Variants in GCN1 observed in about 807,000 individuals in gnomAD.
The protein encoded by GCN1 is GCN1 activator of EIF2AK4, also known as stalled ribosome sensor GCN1.
In GCN1, 90 loss-of-function variants were observed where a neutral mutation model predicts 288.4. That is an observed-to-expected ratio of 0.31 (90% confidence interval 0.26 to 0.37). The LOEUF is 0.37. GCN1 is among the 10% of genes least tolerant of loss of function. GCN1 has a pLI of 1.00. For missense variants in GCN1, 2,586 were observed against 3,419.9 expected (o/e 0.76, Z 6.08); for synonymous variants, 1,386 against 1,420.2 (o/e 0.98, Z 0.54).
At chr12:120,167,596 T>C (rs1878175325) in intron 16 of GCN1, among the ~76,000 whole-genome samples, 1 of 152,194 alleles carries the variant, frequency 6.6e-6, no homozygotes, top group Non-Finnish European at 1.5e-5. Context: ...AGGGGTATAA[T>C]TTTCAATGTA....
At chr12:120,139,939 A>G (rs769268865) in intron 45 of GCN1, among the ~76,000 whole-genome samples, 12 of 152,050 alleles carry the variant, frequency 7.9e-5, no homozygotes, top group Non-Finnish European at 1.5e-4. Flanking sequence ...AGCAAAGCCC[A>G]CTCTGCATTC....
chr12:120,185,164 G>A (rs1441514078), intron 2 of GCN1, among the ~76,000 whole-genome samples: 1 of 152,178 alleles, frequency 6.6e-6, no homozygotes, highest in Non-Finnish European at 1.5e-5. Flanking sequence ...CAGGAGTGCT[G>A]GAATGGTTCT....
In GCN1 at chr12:120,155,591, C is replaced by CCT. The variant is rs749760549; in HGVS notation, c.3439_3440dup (p.Leu1148GlyfsTer5). On this transcript the variant is annotated frameshift_variant and splice_region_variant. Transcript: ENST00000300648. LOFTEE classifies it high-confidence loss of function. The surrounding 1 kb of genome is among the most constrained non-coding windows in gnomAD (Gnocchi z 4.9). Reference sequence around the variant, plus strand: ...AGAAAGCGACATGCTGGCTCTCTCACCTCTCAGCCAGCTTCCGGATCTCCT... The same window carrying CCT: ...AGAAAGCGACATGCTGGCTCTCTCACCTCTCTCAGCCAGCTTCCGGATCTCCT... 2 of 1,614,096 alleles carry CCT rather than the reference C, an allele frequency of 1.2e-6. No homozygotes were observed. The highest frequency in any genetic ancestry group is 1.3e-5 in the African/African-American group (1 of 75,050).
At position 120,131,990 on chromosome 12, in the gene GCN1, T is replaced by A. The variant is rs765597612; in HGVS notation, c.7350A>T (p.Leu2450=). 6.2e-7 allele frequency: 1 copy of A among 1,602,380 alleles called. No individual in the cohort carries two copies. Among genetic ancestry groups the A allele is most frequent in the Non-Finnish European group, 8.5e-7 (1 of 1,173,618 alleles). ...CAGTCAAAAAGGCACACAGTTCCCC[T>A]AGGCACCCGGCTGAGGAGATGCGAG... ...DNTRISSAGC[L]GELCAFLTEE... Residue 2450 remains leucine, a synonymous_variant, in exon 54 of 58, where the codon CTA becomes CTT. Coordinates refer to ENST00000300648, the MANE Select transcript of GCN1 (RefSeq NM_006836.2).
At chr12:120,138,996 C>G (rs1877102749) in intron 45 of GCN1, 140 bp from the exon 46 acceptor site, 1 of 669,912 alleles carries the variant, frequency 1.5e-6, no homozygotes, top group East Asian at 2.8e-5. Context: ...TAACTTAACT[C>G]TTTACTGTGA....
rs141557121 is a variant in GCN1, at chr12:120,140,799, C to T, written c.5994+60G>A. 2.8e-4 allele frequency: 425 copies of T among 1,519,188 alleles called. 2 individuals carry two copies. The African/African-American group carries it at 4.8e-3, about 17-fold the overall frequency. The allele number at this position is 1,519,188 out of a possible 1,614,324, so 94.1% of individuals were successfully genotyped here. The stretch of plus-strand genomic sequence containing the variant: ...TGAACCTCCTTCAGTAGCCCTCCCC[C>T]GCCCTCTGAGTCAGGTCGTCTGCAG... On this transcript the variant is annotated intron_variant, in intron 45 of 57. Transcript: ENST00000300648.
intron 44 of GCN1, 95 bp from the exon 45 acceptor site, chr12:120,141,118 C>T (rs552528995): frequency 1.5e-5 from 15 of 1,026,816 alleles, no homozygotes; most frequent in East Asian, 2.4e-5. Flanking sequence ...ACCTCCCAGG[C>T]TTTATCTGAA....
In GCN1 at chr12:120,136,573, T is replaced by C; in HGVS notation, c.6937A>G (p.Ile2313Val). The change falls in exon 51 of 58, where the codon ATC becomes GTC. Residue 2313 changes from isoleucine (I) to valine (V), a missense_variant. By Grantham distance (29) the Ile-to-Val change is conservative. This residue lies in a region of GCN1 where 17 missense variants were observed against 52.8 expected (regional missense o/e 0.32). Coordinates refer to ENST00000300648, the MANE Select transcript of GCN1 (RefSeq NM_006836.2). Reference sequence around the variant, plus strand: ...TTCCAGCTGAACCTGTCCCCCAGGATGCGGATCAGAGGGCCAGTGATGCTG... The same window carrying C: ...TTCCAGCTGAACCTGTCCCCCAGGACGCGGATCAGAGGGCCAGTGATGCTG... Reference protein sequence around the residue: ...VVSITGPLIRILGDRFSWNVK... With the variant: ...VVSITGPLIRVLGDRFSWNVK... 1 of 1,614,176 alleles carries C rather than the reference T, an allele frequency of 6.2e-7. No homozygotes were observed. Among genetic ancestry groups the C allele is most frequent in the Non-Finnish European group, 8.5e-7 (1 of 1,180,030 alleles).
chr12:120,140,466 C>T (rs967132996), intron 45 of GCN1, among the ~76,000 whole-genome samples: 1 of 152,152 alleles, frequency 6.6e-6, no homozygotes, highest in Non-Finnish European at 1.5e-5. Flanking sequence ...CACCCCCTCC[C>T]GCACCCTCCT....
Position 120,134,161 on chromosome 12 carries a change from G to A in GCN1, c.7317+130C>T. 1.6e-6 allele frequency: 1 copy of A among 642,018 alleles called. No individual in the cohort carries two copies. The highest frequency in any genetic ancestry group is 2.8e-6 in the Non-Finnish European group (1 of 355,578). 39.8% of individuals were successfully genotyped at this position (642,018 alleles called of 1,614,324 possible). A position where few individuals can be genotyped will look rare whatever the true frequency, so the allele number is the denominator to read the frequency against. ...GAAATGTTGGTGAAGCATACAGGGT[G>A]ATAGAAATGTCAGGAATGCTTATTA... is the stretch of plus-strand genomic sequence containing the variant. On this transcript the variant is annotated intron_variant, in intron 53 of 57. Coordinates refer to ENST00000300648, the MANE Select transcript of GCN1 (RefSeq NM_006836.2). This position sits in a 1 kb window ranked among gnomAD's most constrained non-coding sequence, Gnocchi z 5.0.
Position 120,152,831 on chromosome 12 carries a change from C to G in GCN1, c.4062+382G>C, listed in dbSNP as rs57395077. On this transcript the variant is annotated intron_variant, in intron 33 of 57. Coordinates refer to ENST00000300648, the MANE Select transcript of GCN1 (RefSeq NM_006836.2). Reference sequence around the variant, plus strand: ...GAAAAAGGCTTGACATAAGAGAAAGCCTGACCTTTTATTTTTTTTCCCTTT... The same window carrying G: ...GAAAAAGGCTTGACATAAGAGAAAGGCTGACCTTTTATTTTTTTTCCCTTT... Among the ~76,000 whole-genome samples the G allele has an allele frequency of 8.1e-3, 1,224 of 152,004 alleles. 27 individuals carry two copies. Among genetic ancestry groups the G allele is most frequent in the African/African-American group, 0.028 (1,172 of 41,452 alleles).
chr12:120,149,911 C>G lies in GCN1; in HGVS notation c.4431+11G>C. ...TTCCATGCTGTTCTCCCGAGCAGTC[C>G]GGGGACTTACCTCACGCACATACTG... On this transcript the variant is annotated intron_variant, in intron 35 of 57. Transcript: ENST00000300648. The G allele has an allele frequency of 6.2e-7, 1 of 1,614,094 alleles. No homozygotes were observed. The highest frequency in any genetic ancestry group is 1.7e-5 in the Admixed American group (1 of 60,020).
chr12:120,178,977 C>G (rs139597413), intron 5 of GCN1, 27 bp from the exon 6 acceptor site: 257 of 1,582,910 alleles, frequency 1.6e-4, no homozygotes, highest in Middle Eastern at 8.3e-4. Flanking sequence ...AGACTCAGGT[C>G]AAGGTGGGAC....
At chr12:120,164,866 T>G (rs1005892851) in intron 16 of GCN1, 145 bp from the exon 17 acceptor site, 2 of 197,910 alleles carry the variant, frequency 1.0e-5, no homozygotes, top group African/African-American at 5.8e-5. Flanking sequence ...TTACAGCTTG[T>G]TTTTTTTTTT....
At position 120,174,087 on chromosome 12, in the gene GCN1, C is replaced by T. The variant is rs747417921; in HGVS notation, c.1176G>A (p.Pro392=). The change falls in exon 13 of 58, where the codon CCG becomes CCA. Residue 392 remains proline, a synonymous_variant. Transcript: ENST00000300648. The part of the protein sequence containing the change: ...LNGIVAELFI[P]FLQQEVHEGT... ...CAGAATTACCTTCCTGCTGAAGGAA[C>T]GGGATGAACAGCTCAGCCACGATCC... The T allele has an allele frequency of 1.9e-5, 30 of 1,590,202 alleles. No homozygotes were observed. In the East Asian group the frequency reaches 4.0e-4, roughly 21 times the overall value.
chr12:120,144,447 G>A lies in GCN1; in HGVS notation c.5354C>T (p.Ala1785Val). 6.2e-7 allele frequency: 1 copy of A among 1,612,108 alleles called. No homozygotes were observed. Among genetic ancestry groups the A allele is most frequent in the Non-Finnish European group, 8.5e-7 (1 of 1,178,618 alleles). Residue 1785 changes from alanine (A) to valine (V), a missense_variant and splice_region_variant, in exon 42 of 58, where the codon GCT becomes GTT. Ala to Val is a moderately conservative substitution (Grantham distance 64). Around this residue, in one of 8 missense-constraint regions of GCN1, gnomAD observed 371 missense variants for 572.6 expected, o/e 0.65. Coordinates refer to ENST00000300648, the MANE Select transcript of GCN1 (RefSeq NM_006836.2). This position sits in a 1 kb window ranked among gnomAD's most constrained non-coding sequence, Gnocchi z 4.7. ...VGPIIPCILK[A>V]LADENEFVRD... ...CACAAACTCATTCTCATCAGCAAGA[G>A]CCTGGGCACACAGAGGGTGGGTCAG...
At chr12:120,148,756 T>C (rs1017040103) in intron 36 of GCN1, among the ~76,000 whole-genome samples, 3 of 152,214 alleles carry the variant, frequency 2.0e-5, no homozygotes, top group Non-Finnish European at 4.4e-5. Flanking sequence ...GGGCCTTAGA[T>C]GGTGATCCTC....
At chr12:120,143,367 G>C (rs1386161852) in intron 42 of GCN1, among the ~76,000 whole-genome samples, 1 of 152,154 alleles carries the variant, frequency 6.6e-6, no homozygotes, top group African/African-American at 2.4e-5. Context: ...CGGATCACCT[G>C]AGGTCGGGGG....
rs1877755907 is a variant in GCN1 at position 120,156,591 on chromosome 12, T to C, written c.3182A>G (p.Asp1061Gly). 6.2e-7 allele frequency: 1 copy of C among 1,613,968 alleles called. No homozygotes were observed. Among genetic ancestry groups the C allele is most frequent in the East Asian group, 2.2e-5 (1 of 44,880 alleles). Residue 1061 changes from aspartate to glycine, a missense_variant, in exon 28 of 58, where the codon GAC becomes GGC. Asp to Gly is a moderately conservative substitution (Grantham distance 94). Coordinates refer to ENST00000300648, the MANE Select transcript of GCN1 (RefSeq NM_006836.2). The surrounding 1 kb of genome is among the most constrained non-coding windows in gnomAD (Gnocchi z 5.8). Reference sequence around the variant, plus strand: ...GCTGGCACACAGGGTGGTCAGGGTGTCTGAAGCCAGAACCTAAGGAGAACA... The same window carrying C: ...GCTGGCACACAGGGTGGTCAGGGTGCCTGAAGCCAGAACCTAAGGAGAACA... ...GSPRLQVLAS[D>G]TLTTLCASSS... is the part of the protein sequence containing the mutation.
Sources: allele counts gnomAD v4.1 joint callset (sites outside exome capture counted in the v4.1 genomes callset), GRCh38; gene constraint gnomAD v4.1.1; regional missense constraint gnomAD v4.1.1; non-coding constraint Gnocchi (gnomAD v3.1); transcripts MANE v1.5; gene names NCBI Gene and HGNC (gene_info 2026-07-23, HGNC 2026-07-21).